F13A1: variants seen among roughly 807,000 people sequenced by gnomAD.
The protein encoded by F13A1 is coagulation factor XIII A chain.
Under a neutral mutation model 80.1 loss-of-function variants are expected in F13A1, and 47 were observed. The ratio of observed to expected loss-of-function variants is 0.59; its 90% CI spans 0.46 to 0.75. F13A1 has a LOEUF of 0.75. Among genes scored for constraint, F13A1 ranks in the 30% least tolerant of loss-of-function variants. The pLI is 0.00. For synonymous variants in F13A1, 349 were observed against 344.9 expected (o/e 1.01, Z -0.13); for missense variants, 817 against 930.4 (o/e 0.88, Z 1.59).
chr6:6,222,088 T>C lies in F13A1; in HGVS notation c.1057A>G (p.Ile353Val). The change falls in exon 8 of 15, where the codon ATC becomes GTC. Residue 353 changes from isoleucine to valine, a missense_variant. Ile to Val is a conservative substitution (Grantham distance 29). Coordinates refer to ENST00000264870, the MANE Select transcript of F13A1 (RefSeq NM_000129.4). ...ACGTTCCCATCTTCTTCCAGGAAGATGTCCATTTGCAAATTGGCATCATTA... is the reference window on the plus strand; with the variant it reads ...ACGTTCCCATCTTCTTCCAGGAAGACGTCCATTTGCAAATTGGCATCATTA... ...HDNDANLQMDIFLEEDGNVNS... is the reference protein window; with the variant it reads ...HDNDANLQMDVFLEEDGNVNS... The C allele has an allele frequency of 6.2e-7, 1 of 1,614,118 alleles. No homozygotes were observed. Among genetic ancestry groups the C allele is most frequent in the Non-Finnish European group, 8.5e-7 (1 of 1,179,968 alleles).
chr6:6,193,398 G>A (rs982045525), intron 10 of F13A1, among the ~76,000 whole-genome samples: 11 of 152,234 alleles, frequency 7.2e-5, no homozygotes, highest in Admixed American at 7.2e-4. Flanking sequence ...ACGAGGGAGA[G>A]CAGAGAGAGC....
At chr6:6,301,791 A>G (rs918998195) in intron 3 of F13A1, among the ~76,000 whole-genome samples, 1 of 152,200 alleles carries the variant, frequency 6.6e-6, no homozygotes, top group African/African-American at 2.4e-5. Flanking sequence ...ACAGAGAACC[A>G]ATTACACCAA....
intron 3 of F13A1, among the ~76,000 whole-genome samples, chr6:6,278,238 A>G (rs1261469656): frequency 6.6e-6 from 1 of 152,218 alleles, no homozygotes; most frequent in Non-Finnish European, 1.5e-5. Context: ...GAGTATACGG[A>G]CAATAAACAA....
intron 13 of F13A1, among the ~76,000 whole-genome samples, chr6:6,161,449 CTG>C (rs1760571451): frequency 6.6e-6 from 1 of 151,738 alleles, no homozygotes; most frequent in South Asian, 2.1e-4. Flanking sequence ...TTATATGTGA[CTG>C]TACTTAATAG....
intron 10 of F13A1, among the ~76,000 whole-genome samples, chr6:6,190,957 G>T (rs1214018716): frequency 9.2e-5 from 14 of 151,902 alleles, no homozygotes; most frequent in Admixed American, 7.9e-4. Flanking sequence ...TCGGAAAAGC[G>T]CAGTATTTGG....
At chr6:6,207,773 A>G (rs1203218420) in intron 8 of F13A1, among the ~76,000 whole-genome samples, 1 of 152,238 alleles carries the variant, frequency 6.6e-6, no homozygotes, top group Non-Finnish European at 1.5e-5. Context: ...ATCTCTGTCC[A>G]ATTGTTATAT....
intron 3 of F13A1, among the ~76,000 whole-genome samples, chr6:6,278,767 A>G (rs1294439757): frequency 1.3e-5 from 2 of 152,180 alleles, no homozygotes; most frequent in Non-Finnish European, 2.9e-5. Context: ...AGGGGAAACC[A>G]TGGAAGATGA....
chr6:6,187,618 G>A (rs1761102403), intron 10 of F13A1, among the ~76,000 whole-genome samples: 1 of 116,802 alleles, frequency 8.6e-6, no homozygotes, highest in Non-Finnish European at 1.8e-5. Flanking sequence ...GCTGGATTTG[G>A]TTTGCCAGTA....
chr6:6,317,084 G>A (rs760942695), intron 2 of F13A1, among the ~76,000 whole-genome samples: 5 of 152,078 alleles, frequency 3.3e-5, no homozygotes, highest in East Asian at 1.9e-4. Context: ...CCCCCTTTCC[G>A]GGGGCCCAGA....
intron 6 of F13A1, among the ~76,000 whole-genome samples, chr6:6,225,090 T>C (rs2113063991): frequency 6.6e-6 from 1 of 152,314 alleles, no homozygotes; most frequent in African/African-American, 2.4e-5. Flanking sequence ...TCGCATATTA[T>C]AGCAAGGCAA....
At chr6:6,148,260 G>C (rs1760318482) in intron 14 of F13A1, among the ~76,000 whole-genome samples, 1 of 152,180 alleles carries the variant, frequency 6.6e-6, no homozygotes, top group South Asian at 2.1e-4. Context: ...GGAGGCAGTG[G>C]GGGAAGAGCA....
At chr6:6,277,755 T>C (rs1049661243) in intron 3 of F13A1, among the ~76,000 whole-genome samples, 1 of 152,252 alleles carries the variant, frequency 6.6e-6, no homozygotes, top group Non-Finnish European at 1.5e-5. Context: ...GTATAGGGCC[T>C]AACTGAAGCA....
Position 6,162,595 on chromosome 6 carries a change from C to G in F13A1, c.1908+4863G>C, listed in dbSNP as rs1024093297. 6.6e-6 allele frequency among the ~76,000 whole-genome samples: 1 copy of G among 152,172 alleles called. No individual in the cohort carries two copies. The highest frequency in any genetic ancestry group is 2.1e-4 in the South Asian group (1 of 4,824). ...AGGAAGACCTGGGCCAGAAGTGTCT[C>G]TCCTTCCCTCAACAGGCACGTGATC... is the stretch of plus-strand genomic sequence containing the variant. On this transcript the variant is annotated intron_variant, in intron 13 of 14. Coordinates refer to ENST00000264870, the MANE Select transcript of F13A1 (RefSeq NM_000129.4). The surrounding 1 kb of genome is among the most constrained non-coding windows in gnomAD (Gnocchi z 4.2).
intron 8 of F13A1, among the ~76,000 whole-genome samples, chr6:6,211,449 T>C (rs1761607295): frequency 6.6e-6 from 1 of 152,240 alleles, no homozygotes; most frequent in South Asian, 2.1e-4. Context: ...GCAACTGCAA[T>C]GCATCATGGG....
intron 8 of F13A1, among the ~76,000 whole-genome samples, chr6:6,214,555 T>G (rs1319589608): frequency 2.0e-5 from 2 of 101,414 alleles, no homozygotes; most frequent in Non-Finnish European, 4.2e-5. Flanking sequence ...TTTATAGCAC[T>G]AAATGCCCAC....
Position 6,144,192 on chromosome 6 carries a change from G to A in F13A1, c.*1427C>T, listed in dbSNP as rs1760234919. On this transcript the variant is annotated 3_prime_UTR_variant, in exon 15 of 15. Coordinates refer to ENST00000264870, the MANE Select transcript of F13A1 (RefSeq NM_000129.4). ...GCAAAATGCATTTCATTTTAAAATT[G>A]GATATTGGGAGACTTGGCAAATGCT... 1 of 152,198 alleles carries A rather than the reference G, an allele frequency of 6.6e-6. No homozygotes were observed. The highest frequency in any genetic ancestry group is 2.4e-5 in the African/African-American group (1 of 41,532). 9.4% of individuals were successfully genotyped at this position (152,198 alleles called of 1,614,324 possible).
At position 6,250,730 on chromosome 6, in the gene F13A1, T is replaced by C. The variant is rs1310088166; in HGVS notation, c.690+81A>G. 2 of 910,806 alleles carry C rather than the reference T, an allele frequency of 2.2e-6. No homozygotes were observed. The highest frequency in any genetic ancestry group is 1.6e-5 in the African/African-American group (1 of 61,436). The allele number at this position is 910,806 out of a possible 1,614,324, so 56.4% of individuals were successfully genotyped here. A position where few individuals can be genotyped will look rare whatever the true frequency, so the allele number is the denominator to read the frequency against. On this transcript the variant is annotated intron_variant, in intron 5 of 14. Coordinates refer to ENST00000264870, the MANE Select transcript of F13A1 (RefSeq NM_000129.4). This position sits in a 1 kb window ranked among gnomAD's most constrained non-coding sequence, Gnocchi z 4.2. ...AAATTGTGCTTGTCTAATATCGATA[T>C]ATGGGATCCTGTAGGGATACATGTG...
At chr6:6,152,011 T>TTAAC in intron 13 of F13A1, 62 bp from the exon 14 acceptor site, 1 of 1,594,900 alleles carries the variant, frequency 6.3e-7, no homozygotes, top group Non-Finnish European at 8.6e-7. Flanking sequence ...TCTTGTTGTC[T>TTAAC]TAACCATCAT....
At chr6:6,251,082 C>A (rs1164623973) in intron 4 of F13A1, among the ~76,000 whole-genome samples, 153 bp from the exon 5 acceptor site, 1 of 152,120 alleles carries the variant, frequency 6.6e-6, no homozygotes, top group Non-Finnish European at 1.5e-5. Flanking sequence ...GCTCATTTCC[C>A]AATATTTTTA....
Sources: allele counts gnomAD v4.1 joint callset (sites outside exome capture counted in the v4.1 genomes callset), GRCh38; gene constraint gnomAD v4.1.1; non-coding constraint Gnocchi (gnomAD v3.1); transcripts MANE v1.5; gene names NCBI Gene and HGNC (gene_info 2026-07-23, HGNC 2026-07-21).